C14orf39: variants seen among roughly 807,000 people sequenced by gnomAD.
The protein encoded by C14orf39 is chromosome 14 open reading frame 39.
In C14orf39, 66 loss-of-function variants were observed where a neutral mutation model predicts 85.6. The observed-to-expected ratio is 0.77, with a 90% CI of 0.63 to 0.95. The LOEUF is 0.95. Ranked by LOEUF, C14orf39 falls within the 40% of genes least tolerant of loss-of-function variation. The pLI is 0.00. For synonymous variants in C14orf39, 242 were observed against 214.0 expected, an observed-to-expected ratio of 1.13 and a Z score of -1.14; for missense variants, 735 against 663.9, an observed-to-expected ratio of 1.11 and a Z score of -1.18.
intron 11 of C14orf39, 127 bp from the exon 12 acceptor site, chr14:60,461,720 A>T: frequency 1.9e-6 from 1 of 536,794 alleles, no homozygotes; most frequent in Non-Finnish European, 3.3e-6. Flanking sequence ...CATCATTATC[A>T]ACATCAACAA....
intron 4 of C14orf39, among the ~76,000 whole-genome samples, chr14:60,481,938 A>G (rs1002045096): frequency 4.6e-5 from 7 of 152,142 alleles, no homozygotes; most frequent in African/African-American, 1.4e-4. Flanking sequence ...GTGTGCAGTC[A>G]TATTTATCCA....
chr14:60,469,696 T>G, intron 7 of C14orf39, 43 bp from the exon 8 acceptor site: 1 of 832,302 alleles, frequency 1.2e-6, no homozygotes, highest in Non-Finnish European at 1.7e-6. Flanking sequence ...AAATTTTATA[T>G]TTATAATATA....
At chr14:60,472,711 T>C (rs528761305) in intron 5 of C14orf39, among the ~76,000 whole-genome samples, 1 of 152,208 alleles carries the variant, frequency 6.6e-6, no homozygotes, top group East Asian at 1.9e-4. Context: ...AGCTTCATCC[T>C]TGTCCCTACA....
chr14:60,500,153 AG>A (rs764381076), intron 1 of C14orf39, among the ~76,000 whole-genome samples: 2 of 152,044 alleles, frequency 1.3e-5, no homozygotes, highest in African/African-American at 4.8e-5. Flanking sequence ...TCAGCCACCC[AG>A]ATAGCTGGGA....
intron 15 of C14orf39, among the ~76,000 whole-genome samples, chr14:60,455,447 A>G (rs1891227596): frequency 1.3e-5 from 2 of 152,112 alleles, no homozygotes; most frequent in African/African-American, 4.8e-5. Flanking sequence ...TGATTTGCTT[A>G]AAAGAATAAT....
At chr14:60,456,076 T>C (rs1891260401) in intron 15 of C14orf39, among the ~76,000 whole-genome samples, 1 of 152,022 alleles carries the variant, frequency 6.6e-6, no homozygotes, top group African/African-American at 2.4e-5. Context: ...AATCCATAAC[T>C]CTTATTAGCA....
Position 60,491,897 on chromosome 14 carries a change from G to A in C14orf39, c.-8-6811C>T, listed in dbSNP as rs2140175252. Among the ~76,000 whole-genome samples the A allele has an allele frequency of 6.6e-6, 1 of 151,912 alleles. No homozygotes were observed. Among genetic ancestry groups the A allele is most frequent in the East Asian group, 1.9e-4 (1 of 5,164 alleles). Reference sequence around the variant, plus strand: ...TGACTTCCTATCATTCTAAGAATAAGGACAAAATACATTTTATTGGAAAAA... The same window carrying A: ...TGACTTCCTATCATTCTAAGAATAAAGACAAAATACATTTTATTGGAAAAA... On this transcript the variant is annotated intron_variant, in intron 2 of 5. Transcript: ENST00000556799. This position sits in a 1 kb window ranked among gnomAD's most constrained non-coding sequence, Gnocchi z 4.5.
At chr14:60,508,915 G>C (rs1893245276) in intron 1 of C14orf39, 1 of 188,886 alleles carries the variant, frequency 5.3e-6, no homozygotes, top group South Asian at 1.1e-4. Context: ...GGGAGGAGTA[G>C]TGAACGCTGC....
chr14:60,459,946 A>G (rs890031969), intron 13 of C14orf39, among the ~76,000 whole-genome samples: 2 of 151,662 alleles, frequency 1.3e-5, no homozygotes, highest in African/African-American at 4.8e-5. Context: ...AGAAATTCTT[A>G]ATTTTAATAT....
At chr14:60,467,068 T>G in intron 9 of C14orf39, 24 bp from the exon 10 acceptor site, 1 of 1,148,154 alleles carries the variant, frequency 8.7e-7, no homozygotes, top group Non-Finnish European at 1.2e-6. Context: ...TGAATTACAT[T>G]AAATATTAGA....
At chr14:60,513,701 C>T (rs1453536924) in intron 1 of C14orf39, among the ~76,000 whole-genome samples, 2 of 152,170 alleles carry the variant, frequency 1.3e-5, no homozygotes, top group African/African-American at 4.8e-5. Context: ...AAATCCCACT[C>T]CACCCACCCC....
intron 1 of C14orf39, among the ~76,000 whole-genome samples, chr14:60,485,350 C>T (rs933488127): frequency 8.5e-5 from 13 of 152,194 alleles, no homozygotes; most frequent in Admixed American, 5.2e-4. Flanking sequence ...CCCGCATAAC[C>T]GCTTATGCGT....
chr14:60,485,381 G>C (rs898854833), intron 1 of C14orf39, among the ~76,000 whole-genome samples: 2 of 152,194 alleles, frequency 1.3e-5, no homozygotes, highest in Admixed American at 6.5e-5. Context: ...CAAGCATCCG[G>C]ATCTTCCAGG....
chr14:60,458,782 T>G (rs748738573), intron 13 of C14orf39, 43 bp from the exon 14 acceptor site: 1 of 1,482,264 alleles, frequency 6.7e-7, no homozygotes, highest in Admixed American at 1.9e-5. Context: ...TTTGTAATTT[T>G]ATTGTAAAAT....
chr14:60,444,480 C>T (rs1403972881), intron 16 of C14orf39, among the ~76,000 whole-genome samples: 3 of 152,012 alleles, frequency 2.0e-5, no homozygotes, highest in African/African-American at 7.2e-5. Context: ...TGAAATAAAG[C>T]AAGAAGACAA....
intron 5 of C14orf39, among the ~76,000 whole-genome samples, chr14:60,476,194 G>A (rs1892369939): frequency 1.3e-5 from 2 of 152,168 alleles, no homozygotes; most frequent in Admixed American, 1.3e-4. Context: ...AAATGGTCCA[G>A]GGAAGAAATA....
At chr14:60,501,763 G>A (rs189256241) in intron 1 of C14orf39, among the ~76,000 whole-genome samples, 9 of 152,250 alleles carry the variant, frequency 5.9e-5, no homozygotes, top group Admixed American at 5.2e-4. Flanking sequence ...GGAAAGTTTC[G>A]AGAAACCTAA....
intron 5 of C14orf39, among the ~76,000 whole-genome samples, chr14:60,477,817 G>A (rs538526683): frequency 1.8e-4 from 28 of 152,144 alleles, no homozygotes; most frequent in African/African-American, 6.0e-4. Flanking sequence ...GGATTAGAGA[G>A]AGCTTTACAA....
At chr14:60,501,949 T>C (rs1893155294) in intron 1 of C14orf39, among the ~76,000 whole-genome samples, 2 of 152,198 alleles carry the variant, frequency 1.3e-5, no homozygotes, top group Non-Finnish European at 2.9e-5. Context: ...CATAATCTCA[T>C]TTAATCCCTA....
Sources: allele counts gnomAD v4.1 joint callset (sites outside exome capture counted in the v4.1 genomes callset), GRCh38; gene constraint gnomAD v4.1.1; non-coding constraint Gnocchi (gnomAD v3.1); transcripts MANE v1.5; gene names NCBI Gene and HGNC (gene_info 2026-07-23, HGNC 2026-07-21).